The following COL4A5 variants were observed in gnomAD, a reference collection of about 807,000 sequenced individuals.
COL4A5 encodes collagen type IV alpha 5 chain.
COL4A5 carries 26 observed loss-of-function variants against 130.2 expected under a neutral mutation model. That is an observed-to-expected ratio of 0.20 (90% CI 0.15 to 0.28). The LOEUF (loss-of-function observed/expected upper bound fraction) is 0.28, where lower values mean the gene tolerates loss of function less well. COL4A5 is among the 10% of genes least tolerant of loss of function. The pLI is 1.00. For synonymous variants in COL4A5, 496 were observed against 439.6 expected (o/e 1.13, Z -1.60); for missense variants, 1,131 against 1,344.3 (o/e 0.84, Z 2.48).
intron 1 of COL4A5, among the ~76,000 whole-genome samples, chrX:108,456,842 A>G (rs1307020035): frequency 8.9e-6 from 1 of 112,356 alleles, no homozygotes; most frequent in African/African-American, 3.2e-5. Flanking sequence ...GTCAGACACC[A>G]AGCCAAAATC....
At chrX:108,516,475 A>G (rs946917325) in intron 1 of COL4A5, among the ~76,000 whole-genome samples, 8 of 112,109 alleles carry the variant, frequency 7.1e-5, no homozygotes, top group Non-Finnish European at 1.3e-4. Context: ...ATCTGTTTAC[A>G]TTTATGGAAC....
intron 2 of COL4A5, among the ~76,000 whole-genome samples, chrX:108,549,344 A>G (rs2065715116): frequency 1.8e-5 from 2 of 111,847 alleles, no homozygotes; most frequent in African/African-American, 6.5e-5. Flanking sequence ...AGTGTAGACT[A>G]TGTGATAGGT....
chrX:108,463,802 A>G (rs2064676643), intron 1 of COL4A5, among the ~76,000 whole-genome samples: 1 of 112,204 alleles, frequency 8.9e-6, no homozygotes, highest in Non-Finnish European at 1.9e-5. Context: ...TTGCTTGGGT[A>G]GAGAGAGAAT....
intron 19 of COL4A5, 54 bp downstream of exon 19, chrX:108,586,801 G>C: frequency 8.7e-7 from 1 of 1,155,958 alleles, no homozygotes; most frequent in Non-Finnish European, 1.2e-6. Context: ...ACTAATCCAT[G>C]TATACTTTTT....
intron 1 of COL4A5, among the ~76,000 whole-genome samples, chrX:108,451,019 A>G (rs1299313548): frequency 8.4e-5 from 6 of 71,462 alleles, no homozygotes; most frequent in African/African-American, 3.4e-4. Flanking sequence ...AACAGTCCCC[A>G]GAGTGTGATG....
At chrX:108,640,350 G>A (rs1361372754) in intron 36 of COL4A5, among the ~76,000 whole-genome samples, 2 of 111,575 alleles carry the variant, frequency 1.8e-5, no homozygotes, top group Non-Finnish European at 3.8e-5. Context: ...ATTTCATAGA[G>A]ACAGAAGGTA....
intron 41 of COL4A5, 146 bp downstream of exon 41, chrX:108,668,650 C>T: frequency 2.4e-6 from 1 of 419,795 alleles, no homozygotes; most frequent in Non-Finnish European, 3.9e-6. Flanking sequence ...TGTGATATAA[C>T]TTCTTACAAG....
chrX:108,619,765 AT>A, intron 30 of COL4A5, among the ~76,000 whole-genome samples: 1 of 112,193 alleles, frequency 8.9e-6, no homozygotes. Context: ...ATAATTTATA[AT>A]ACATTAGAAC....
At chrX:108,572,500 G>C (rs2066080595) in intron 8 of COL4A5, among the ~76,000 whole-genome samples, 1 of 110,816 alleles carries the variant, frequency 9.0e-6, no homozygotes, top group South Asian at 3.8e-4. Context: ...TCAAAACCTG[G>C]GAGTTAATAT....
At chrX:108,651,007 G>T (rs1213411827) in intron 36 of COL4A5, among the ~76,000 whole-genome samples, 1 of 111,789 alleles carries the variant, frequency 8.9e-6, no homozygotes. Context: ...TTTAAAAAAT[G>T]ATGTACTGAT....
At chrX:108,676,305 C>T (rs73530140) in intron 43 of COL4A5, among the ~76,000 whole-genome samples, 10,267 of 111,053 alleles carry the variant, frequency 0.092, 1,093 homozygotes, top group African/African-American at 0.3. Context: ...TAACTATTGG[C>T]TGTTCATTAT....
chrX:108,510,581 C>T (rs1157697313), intron 1 of COL4A5, among the ~76,000 whole-genome samples: 1 of 110,407 alleles, frequency 9.1e-6, no homozygotes, highest in Non-Finnish European at 1.9e-5. Flanking sequence ...AATAACAATA[C>T]GAATACTACC....
intron 42 of COL4A5, among the ~76,000 whole-genome samples, chrX:108,672,184 A>G (rs968631800): frequency 8.9e-6 from 1 of 112,243 alleles, no homozygotes; most frequent in African/African-American, 3.2e-5. Context: ...AAGACAGTGC[A>G]TACTATTTAA....
intron 1 of COL4A5, among the ~76,000 whole-genome samples, chrX:108,446,201 A>G (rs1190876185): frequency 2.7e-5 from 3 of 112,051 alleles, no homozygotes; most frequent in Non-Finnish European, 5.6e-5. Flanking sequence ...CTTATTCTAC[A>G]TATAGTTTTA....
chrX:108,642,034 G>A, intron 36 of COL4A5, among the ~76,000 whole-genome samples: 1 of 111,478 alleles, frequency 9.0e-6, no homozygotes, highest in Middle Eastern at 4.7e-3. Flanking sequence ...AACAGACTTG[G>A]GGCTGTTAAT....
At chrX:108,584,745 G>A (rs1238920606) in intron 18 of COL4A5, among the ~76,000 whole-genome samples, 1 of 110,429 alleles carries the variant, frequency 9.1e-6, no homozygotes, top group Non-Finnish European at 1.9e-5. Flanking sequence ...GCATGGTAAA[G>A]GTCTAAAATT....
chrX:108,489,968 T>C (rs920586724), intron 1 of COL4A5, among the ~76,000 whole-genome samples: 3 of 111,700 alleles, frequency 2.7e-5, no homozygotes, highest in Non-Finnish European at 5.7e-5. Flanking sequence ...TTGAGATATT[T>C]GTGGATTCAT....
chrX:108,545,389 G>A (rs2065630225), intron 2 of COL4A5, among the ~76,000 whole-genome samples: 1 of 111,460 alleles, frequency 9.0e-6, no homozygotes, highest in South Asian at 3.8e-4. Flanking sequence ...TCAGGAGCCG[G>A]TCGTTCAGTT....
At chrX:108,612,988 G>A (rs1241630723) in intron 29 of COL4A5, among the ~76,000 whole-genome samples, 1 of 111,784 alleles carries the variant, frequency 8.9e-6, no homozygotes, top group Non-Finnish European at 1.9e-5. Context: ...AAGTTGCTAA[G>A]GCAATCTCAA....
Sources: gnomAD v4.1 joint callset for allele counts (sites outside exome capture counted in the v4.1 genomes callset) on GRCh38, gnomAD v4.1.1 for gene constraint, MANE v1.5 for transcripts, NCBI Gene and HGNC (gene_info 2026-07-23, HGNC 2026-07-21) for gene names.